The following CLSTN2 variants were observed in gnomAD, a reference collection of about 807,000 sequenced individuals.
CLSTN2 encodes calsyntenin-2.
A neutral mutation model predicts 101.2 loss-of-function variants in CLSTN2; 48 were observed. That is an observed-to-expected ratio of 0.47 (90% CI 0.38 to 0.60). The LOEUF (loss-of-function observed/expected upper bound fraction) is 0.60, where lower values mean the gene tolerates loss of function less well. CLSTN2 is among the 20% of genes least tolerant of loss of function. CLSTN2 has a pLI of 0.00. For missense variants in CLSTN2, 1,160 were observed against 1,238.2 expected (o/e 0.94, Z 0.95); for synonymous variants, 481 against 463.6 (o/e 1.04, Z -0.48).
At chr3:140,161,661 T>C (rs981813344) in intron 1 of CLSTN2, among the ~76,000 whole-genome samples, 2 of 152,192 alleles carry the variant, frequency 1.3e-5, no homozygotes, top group African/African-American at 4.8e-5. Context: ...CCTGGATAAC[T>C]TTGGTTATCC....
At chr3:140,255,760 A>C (rs188222779) in intron 2 of CLSTN2, among the ~76,000 whole-genome samples, 1 of 152,334 alleles carries the variant, frequency 6.6e-6, no homozygotes, top group East Asian at 1.9e-4. Flanking sequence ...TGAACCTAAA[A>C]TAAAAGTTGG....
intron 2 of CLSTN2, among the ~76,000 whole-genome samples, chr3:140,362,898 C>T (rs1181030182): frequency 2.0e-5 from 3 of 151,942 alleles, no homozygotes; most frequent in Non-Finnish European, 4.4e-5. Flanking sequence ...AAAATCATGC[C>T]ACCACTTTAG....
At chr3:139,938,167 G>A (rs981867925) in intron 1 of CLSTN2, among the ~76,000 whole-genome samples, 2 of 150,248 alleles carry the variant, frequency 1.3e-5, no homozygotes, top group East Asian at 1.9e-4. Context: ...AAATCAGGAA[G>A]GCGTGTGAAG....
chr3:140,195,074 G>A (rs1304080672), intron 2 of CLSTN2, among the ~76,000 whole-genome samples: 1 of 152,156 alleles, frequency 6.6e-6, no homozygotes, highest in Non-Finnish European at 1.5e-5. Flanking sequence ...GGGTGTGGGA[G>A]CACCTCATTA....
At chr3:140,348,690 A>G (rs894317457) in intron 2 of CLSTN2, among the ~76,000 whole-genome samples, 1 of 152,214 alleles carries the variant, frequency 6.6e-6, no homozygotes, top group Admixed American at 6.5e-5. Context: ...GAAGACCTTC[A>G]TATTATGCTC....
At chr3:140,512,417 A>G (rs1478638828) in intron 8 of CLSTN2, among the ~76,000 whole-genome samples, 1 of 152,216 alleles carries the variant, frequency 6.6e-6, no homozygotes, top group Non-Finnish European at 1.5e-5. Flanking sequence ...GTCAAAGATC[A>G]GACGGTTGTA....
intron 9 of CLSTN2, 129 bp downstream of exon 9, chr3:140,532,615 A>G: frequency 1.6e-6 from 1 of 620,316 alleles, no homozygotes; most frequent in Non-Finnish European, 2.5e-6. Flanking sequence ...ACAAAAAAAA[A>G]TTCAAGACAT....
chr3:140,565,524 G>C (rs1936008946), intron 16 of CLSTN2, among the ~76,000 whole-genome samples: 1 of 152,194 alleles, frequency 6.6e-6, no homozygotes, highest in African/African-American at 2.4e-5. Context: ...AGCAAGCATG[G>C]AAAGTGAGGA....
intron 2 of CLSTN2, among the ~76,000 whole-genome samples, chr3:140,290,222 TCA>T (rs1350670728): frequency 6.6e-6 from 1 of 152,130 alleles, no homozygotes; most frequent in African/African-American, 2.4e-5. Context: ...CAAGTTCATC[TCA>T]CAGTTAGTTC....
intron 2 of CLSTN2, among the ~76,000 whole-genome samples, chr3:140,253,711 A>G (rs1202733532): frequency 6.6e-6 from 1 of 152,158 alleles, no homozygotes; most frequent in Non-Finnish European, 1.5e-5. Context: ...GTTAATTATA[A>G]TGAGATAGAA....
At chr3:140,422,104 C>T (rs1259332242) in intron 5 of CLSTN2, among the ~76,000 whole-genome samples, 2 of 152,104 alleles carry the variant, frequency 1.3e-5, no homozygotes, top group Non-Finnish European at 2.9e-5. Context: ...AACTCATAAA[C>T]TGCTTCATTT....
intron 5 of CLSTN2, among the ~76,000 whole-genome samples, chr3:140,436,650 G>A (rs991940500): frequency 6.6e-6 from 1 of 152,228 alleles, no homozygotes; most frequent in Non-Finnish European, 1.5e-5. Context: ...GGCCACATGA[G>A]CAGCAGGCAT....
At chr3:140,503,402 A>G (rs567411774) in intron 8 of CLSTN2, among the ~76,000 whole-genome samples, 1 of 152,326 alleles carries the variant, frequency 6.6e-6, no homozygotes, top group South Asian at 2.1e-4. Context: ...ATCTGCCTAC[A>G]GTATTTGGTA....
chr3:140,349,298 C>T (rs974543589), intron 2 of CLSTN2, among the ~76,000 whole-genome samples: 1 of 152,140 alleles, frequency 6.6e-6, no homozygotes. Flanking sequence ...TTTATAGCAG[C>T]GTGAGAATGG....
At chr3:140,248,887 T>G (rs916260979) in intron 2 of CLSTN2, among the ~76,000 whole-genome samples, 4 of 152,228 alleles carry the variant, frequency 2.6e-5, no homozygotes, top group Non-Finnish European at 5.9e-5. Context: ...ATAAATCACT[T>G]TCTCTCATTG....
At chr3:139,961,295 A>G (rs551786942) in intron 1 of CLSTN2, among the ~76,000 whole-genome samples, 6 of 152,174 alleles carry the variant, frequency 3.9e-5, no homozygotes, top group Non-Finnish European at 5.9e-5. Flanking sequence ...TGTTTTAAGA[A>G]CATGATATAG....
intron 1 of CLSTN2, among the ~76,000 whole-genome samples, chr3:140,140,218 C>T (rs1005533442): frequency 2.0e-5 from 3 of 152,106 alleles, no homozygotes; most frequent in African/African-American, 7.2e-5. Context: ...GTTGTGTTAG[C>T]TTATTTGCAT....
At chr3:140,063,476 A>T (rs1410639756) in intron 1 of CLSTN2, among the ~76,000 whole-genome samples, 1 of 152,174 alleles carries the variant, frequency 6.6e-6, no homozygotes, top group African/African-American at 2.4e-5. Flanking sequence ...CACCTGCCAC[A>T]TGTAAAGCTT....
chr3:139,969,509 C>T (rs993548058), intron 1 of CLSTN2, among the ~76,000 whole-genome samples: 2 of 152,198 alleles, frequency 1.3e-5, no homozygotes, highest in African/African-American at 4.8e-5. Flanking sequence ...TCTTCAGGGT[C>T]TTCTTGTTAC....
Sources: allele counts gnomAD v4.1 joint callset (sites outside exome capture counted in the v4.1 genomes callset), GRCh38; gene constraint gnomAD v4.1.1; transcripts MANE v1.5; gene names NCBI Gene and HGNC (gene_info 2026-07-23, HGNC 2026-07-21).